THRAP3: variants seen among roughly 807,000 people sequenced by gnomAD.
THRAP3 encodes the protein thyroid hormone receptor associated protein 3, also known as thyroid hormone receptor-associated protein 3.
THRAP3 carries 16 observed loss-of-function variants against 101.0 expected under a neutral mutation model. That is an observed-to-expected ratio of 0.16 (90% CI 0.11 to 0.24). The LOEUF is 0.24. THRAP3 is among the 10% of genes least tolerant of loss of function. The pLI is 1.00. For synonymous variants in THRAP3, 407 were observed against 422.6 expected (o/e 0.96, Z 0.45); for missense variants, 989 against 1,202.7 (o/e 0.82, Z 2.63).
chr1:36,294,807 A>G (rs536540339), intron 8 of THRAP3, among the ~76,000 whole-genome samples: 5 of 152,294 alleles, frequency 3.3e-5, no homozygotes, highest in East Asian at 1.9e-4. Context: ...CCATGCCCCA[A>G]AAAAGCCAAC....
chr1:36,257,883 C>T (rs1404874876), intron 1 of THRAP3, among the ~76,000 whole-genome samples: 2 of 152,224 alleles, frequency 1.3e-5, no homozygotes, highest in Admixed American at 6.5e-5. Flanking sequence ...CTCTGTCACC[C>T]ACGCTGGAGT....
rs1234954093 is a variant in THRAP3 at position 36,249,194 on chromosome 1, T to C, written c.-134-10188T>C. ...CACCGCACCCAGCCAGCACAGTCCC[T>C]TTTTTTTTTTTTTTTTTGAGATGGA... On this transcript the variant is annotated intron_variant, in intron 1 of 11. Transcript: ENST00000354618. Among the ~76,000 whole-genome samples the C allele has an allele frequency of 5.7e-4, 12 of 21,202 alleles. 1 individual carries two copies. The highest frequency in any genetic ancestry group is 2.7e-3 in the Admixed American group (3 of 1,132). The allele number at this position is 21,202 out of a possible 152,430, so 13.9% of individuals were successfully genotyped here.
chr1:36,255,607 A>G (rs753128028), intron 1 of THRAP3, among the ~76,000 whole-genome samples: 1 of 151,680 alleles, frequency 6.6e-6, no homozygotes, highest in Non-Finnish European at 1.5e-5. Flanking sequence ...TGTCTCTACT[A>G]AAAATACAAA....
intron 1 of THRAP3, among the ~76,000 whole-genome samples, chr1:36,250,491 C>T (rs553231268): frequency 1.5e-4 from 23 of 151,856 alleles, no homozygotes; most frequent in Non-Finnish European, 2.6e-4. Context: ...GGATTACAGG[C>T]GGTATATTCT....
chr1:36,252,113 G>GTTTATT (rs1553193929), intron 1 of THRAP3, among the ~76,000 whole-genome samples: 3 of 152,064 alleles, frequency 2.0e-5, no homozygotes, highest in African/African-American at 7.2e-5. Context: ...ATTCATGAGG[G>GTTTATT]TTTATTTTTA....
At chr1:36,294,164 C>G (rs1409356249) in intron 8 of THRAP3, 1 of 1,261,722 alleles carries the variant, frequency 7.9e-7, no homozygotes, top group Non-Finnish European at 1.0e-6. Context: ...TTGAGGTGAG[C>G]TTGAGAAAAA....
chr1:36,245,268 G>A (rs1645217557), intron 1 of THRAP3, among the ~76,000 whole-genome samples: 1 of 151,170 alleles, frequency 6.6e-6, no homozygotes, highest in Non-Finnish European at 1.5e-5. Context: ...CCAGGTTCAA[G>A]CGATTCTCCT....
intron 2 of THRAP3, among the ~76,000 whole-genome samples, chr1:36,264,924 G>A (rs940312775): frequency 6.6e-6 from 1 of 152,116 alleles, no homozygotes; most frequent in African/African-American, 2.4e-5. Flanking sequence ...GGCAGGATTG[G>A]TTCTTCTAGA....
chr1:36,257,752 G>A (rs1645393827), intron 1 of THRAP3, among the ~76,000 whole-genome samples: 1 of 152,244 alleles, frequency 6.6e-6, no homozygotes, highest in Non-Finnish European at 1.5e-5. Flanking sequence ...TAGGAAATAT[G>A]ATGGAGTAAT....
intron 1 of THRAP3, among the ~76,000 whole-genome samples, chr1:36,243,249 G>T (rs1645185253): frequency 6.6e-6 from 1 of 151,034 alleles, no homozygotes; most frequent in Non-Finnish European, 1.5e-5. Flanking sequence ...TTGCAGAGGG[G>T]GATTTGGCAG....
chr1:36,220,953 C>CA (rs1206488922), upstream of THRAP3, among the ~76,000 whole-genome samples: 5,340 of 44,206 alleles, frequency 0.12, 555 homozygotes, highest in Non-Finnish European at 0.15. Context: ...GAGACTGTCT[C>CA]AAAAAAAAAA....
intron 2 of THRAP3, among the ~76,000 whole-genome samples, chr1:36,261,739 C>G (rs1465386794): frequency 2.0e-5 from 3 of 152,080 alleles, no homozygotes; most frequent in African/African-American, 7.2e-5. Flanking sequence ...GTGGAAGCAA[C>G]CGGTCGGGTT....
In THRAP3 at chr1:36,289,661, C is replaced by G. The variant is rs1645840501; in HGVS notation, c.1642C>G (p.Leu548Val). ...PRKTSESRDK[L>V]GAKGDFPTGK... ...AAAGACCTCTGAGAGCCGAGACAAG[C>G]TGGGAGCGAAAGGAGATTTTCCCAC... Residue 548 changes from leucine to valine, a missense_variant, in exon 5 of 12, where the codon CTG becomes GTG. Leu to Val is a conservative substitution (Grantham distance 32). Transcript: ENST00000354618. 1 of 1,614,106 alleles carries G rather than the reference C, an allele frequency of 6.2e-7. No homozygotes were observed. Among genetic ancestry groups the G allele is most frequent in the African/African-American group, 1.3e-5 (1 of 74,938 alleles).
chr1:36,270,882 G>GT (rs908329158), intron 2 of THRAP3, among the ~76,000 whole-genome samples: 73 of 152,042 alleles, frequency 4.8e-4, no homozygotes, highest in African/African-American at 1.7e-3. Flanking sequence ...GCCCAGCCAG[G>GT]TTTTTTTAAT....
chr1:36,295,953 A>ATTT, intron 8 of THRAP3, among the ~76,000 whole-genome samples: 1 of 87,776 alleles, frequency 1.1e-5, no homozygotes, highest in Non-Finnish European at 2.1e-5. Context: ...AGCCTTCTCA[A>ATTT]CTTTTTTTTT....
Position 36,287,235 on chromosome 1 carries a change from G to C in THRAP3, c.1005G>C (p.Glu335Asp). 1.9e-6 allele frequency: 3 copies of C among 1,613,346 alleles called. No homozygotes were observed. The South Asian group carries it at 3.3e-5, about 18-fold the overall frequency. ...GSTYGSSQKE[E>D]SAASGGAAYT... ...CATATGGCTCATCTCAGAAGGAGGA[G>C]AGTGCTGCTTCAGGAGGAGCAGCCT... is the stretch of plus-strand genomic sequence containing the variant. Residue 335 changes from glutamate (E) to aspartate (D), a missense_variant, in exon 4 of 12, where the codon GAG (glutamate) becomes GAC (aspartate). Coordinates refer to ENST00000354618, the MANE Select transcript of THRAP3 (RefSeq NM_005119.4).
At chr1:36,212,592 T>C in the THRAP3 span, among the ~76,000 whole-genome samples, 3 of 152,000 alleles carry the variant, frequency 2.0e-5, no homozygotes, top group Non-Finnish European at 4.4e-5. Flanking sequence ...GGCCAGTTTT[T>C]GTATTTTTAG....
chr1:36,295,662 CTTCCTTTCCCT>C (rs963290416), intron 8 of THRAP3, among the ~76,000 whole-genome samples: 1 of 151,502 alleles, frequency 6.6e-6, no homozygotes, highest in East Asian at 1.9e-4. Context: ...CCCCCTTCCC[CTTCCTTTCCCT>C]TTCCTTTCAC....
chr1:36,297,943 A>G (rs1043636620), intron 9 of THRAP3, among the ~76,000 whole-genome samples: 2 of 150,582 alleles, frequency 1.3e-5, no homozygotes, highest in African/African-American at 4.9e-5. Context: ...TCAGGAGTTC[A>G]AGACCAGCCT....
Sources: allele counts gnomAD v4.1 joint callset (sites outside exome capture counted in the v4.1 genomes callset), GRCh38; gene constraint gnomAD v4.1.1; transcripts MANE v1.5; gene names NCBI Gene and HGNC (gene_info 2026-07-23, HGNC 2026-07-21).